Variants in DOCK8 observed in about 807,000 individuals in gnomAD.
The protein encoded by DOCK8 is dedicator of cytokinesis 8, also known as dedicator of cytokinesis protein 8.
A neutral mutation model predicts 245.6 loss-of-function variants in DOCK8; 141 were observed. The observed-to-expected ratio is 0.57, with a 90% CI of 0.50 to 0.66. The LOEUF (loss-of-function observed/expected upper bound fraction) is 0.66. DOCK8 is among the 30% of genes least tolerant of loss of function. The pLI, the probability that DOCK8 is intolerant of heterozygous loss-of-function variation, is 0.00. For synonymous variants in DOCK8, 1,168 were observed against 970.2 expected, an observed-to-expected ratio of 1.20 and a Z score of -3.79; for missense variants, 2,965 against 2,603.4, an observed-to-expected ratio of 1.14 and a Z score of -3.02.
intron 5 of DOCK8, among the ~76,000 whole-genome samples, chr9:308,954 G>GC: frequency 6.6e-6 from 1 of 152,322 alleles, no homozygotes; most frequent in African/African-American, 2.4e-5. Context: ...ACCGCACCTG[G>GC]CCAGGTTCTT....
intron 1 of DOCK8, among the ~76,000 whole-genome samples, chr9:253,034 A>C (rs375550412): frequency 1.1e-4 from 16 of 152,234 alleles, no homozygotes; most frequent in Admixed American, 5.9e-4. Flanking sequence ...TTGAACACCT[A>C]ATTTTATTAA....
upstream of DOCK8, chr9:214,838 G>T: frequency 6.2e-7 from 1 of 1,600,726 alleles, no homozygotes; most frequent in Non-Finnish European, 8.5e-7. Context: ...TTAGAAGGTG[G>T]AAATGCGGAA....
intron 2 of DOCK8, among the ~76,000 whole-genome samples, chr9:273,328 C>T (rs1284174687): frequency 1.3e-5 from 2 of 151,960 alleles, no homozygotes; most frequent in Admixed American, 6.6e-5. Flanking sequence ...AAAGGCATGT[C>T]AAGTGCATAT....
intron 2 of DOCK8, among the ~76,000 whole-genome samples, chr9:285,757 A>G (rs1488928720): frequency 1.3e-5 from 2 of 152,194 alleles, no homozygotes; most frequent in East Asian, 3.8e-4. Context: ...GTAAAATTGA[A>G]GAGCAAAGAA....
intron 4 of DOCK8, among the ~76,000 whole-genome samples, chr9:301,440 C>G (rs1586641357): frequency 6.6e-6 from 1 of 152,312 alleles, no homozygotes; most frequent in East Asian, 1.9e-4. Context: ...TGGAACAAAA[C>G]AAGGATGCCT....
intron 2 of DOCK8, among the ~76,000 whole-genome samples, chr9:275,788 C>T (rs950002579): frequency 1.3e-5 from 2 of 152,094 alleles, no homozygotes; most frequent in Admixed American, 6.6e-5. Flanking sequence ...AGGGTTTCAC[C>T]ATGTTGGCCA....
At chr9:408,884 A>ACG (rs1370095431) in intron 28 of DOCK8, among the ~76,000 whole-genome samples, 2 of 105,340 alleles carry the variant, frequency 1.9e-5, no homozygotes, top group Non-Finnish European at 3.8e-5. Context: ...ACACACACAC[A>ACG]CACGCACACA....
intron 2 of DOCK8, among the ~76,000 whole-genome samples, chr9:278,180 A>C (rs775683520): frequency 1.3e-5 from 2 of 152,256 alleles, no homozygotes; most frequent in African/African-American, 2.4e-5. Context: ...ATTGTTCAGC[A>C]GAGGAATCAA....
At chr9:454,653 A>G (rs1012707979) in intron 46 of DOCK8, 1 of 152,242 alleles carries the variant, frequency 6.6e-6, no homozygotes, top group Non-Finnish European at 1.5e-5. Context: ...TCAGTAAATG[A>G]GGCTCTGAAT....
chr9:282,822 T>C (rs1359389972), intron 2 of DOCK8, among the ~76,000 whole-genome samples: 1 of 152,246 alleles, frequency 6.6e-6, no homozygotes, highest in East Asian at 1.9e-4. Context: ...TCACTAGTTT[T>C]ACGGCTCATG....
intron 19 of DOCK8, 66 bp from the exon 20 acceptor site, chr9:376,905 ATTGTGT>A: frequency 7.4e-7 from 1 of 1,345,242 alleles, no homozygotes; most frequent in Non-Finnish European, 1.0e-6. Context: ...GAGCTATTCG[ATTGTGT>A]TTGTGAATCC....
At chr9:457,157 T>G (rs2057666346) in intron 46 of DOCK8, 1 of 152,080 alleles carries the variant, frequency 6.6e-6, no homozygotes, top group African/African-American at 2.4e-5. Flanking sequence ...CAAGGCCATA[T>G]GCCTGGCTTA....
At position 426,991 on chromosome 9, in the gene DOCK8, A is replaced by G. The variant is rs2056528199; in HGVS notation, c.4338+10A>G. On this transcript the variant is annotated intron_variant, in intron 34 of 47. Coordinates refer to ENST00000432829, the MANE Select transcript of DOCK8 (RefSeq NM_203447.4). Reference sequence around the variant, plus strand: ...GGAAAACATTATCCAGGTGAGGAAAACAAACACCCAATCTGATTTGTTGGC... The same window carrying G: ...GGAAAACATTATCCAGGTGAGGAAAGCAAACACCCAATCTGATTTGTTGGC... 6.2e-7 allele frequency: 1 copy of G among 1,608,964 alleles called. No individual in the cohort carries two copies. The highest frequency in any genetic ancestry group is 8.5e-7 in the Non-Finnish European group (1 of 1,175,704).
upstream of DOCK8, chr9:214,657 G>A (rs369454345): frequency 3.1e-6 from 5 of 1,606,348 alleles, no homozygotes; most frequent in African/African-American, 6.7e-5. Context: ...CGCTCCCTTC[G>A]GCCGGAGGTC....
chr9:294,695 T>C (rs1471027453), intron 4 of DOCK8, among the ~76,000 whole-genome samples: 1 of 152,250 alleles, frequency 6.6e-6, no homozygotes, highest in Admixed American at 6.5e-5. Context: ...AGCAGTTTTA[T>C]TTGTAATTGC....
At chr9:319,973 C>G (rs539060598) in intron 7 of DOCK8, among the ~76,000 whole-genome samples, 27 of 152,330 alleles carry the variant, frequency 1.8e-4, no homozygotes, top group African/African-American at 6.5e-4. Context: ...GGAGGACCTT[C>G]CATAACAATC....
chr9:352,286 C>A (rs2052207752), intron 14 of DOCK8, among the ~76,000 whole-genome samples: 1 of 152,132 alleles, frequency 6.6e-6, no homozygotes, highest in Admixed American at 6.5e-5. Flanking sequence ...ATTATTATTA[C>A]TATTAAGCAT....
At chr9:382,769 C>G in intron 22 of DOCK8, 84 bp downstream of exon 22, 2 of 1,525,240 alleles carry the variant, frequency 1.3e-6, no homozygotes, top group African/African-American at 1.4e-5. Flanking sequence ...CAGAAGCAAC[C>G]ACTACTGCTG....
At chr9:254,828 T>C (rs1587670196) in intron 1 of DOCK8, among the ~76,000 whole-genome samples, 1 of 152,344 alleles carries the variant, frequency 6.6e-6, no homozygotes, top group Non-Finnish European at 1.5e-5. Flanking sequence ...GTTGCTTGTC[T>C]CAGAGTGTCC....
Sources: gnomAD v4.1 joint callset for allele counts (sites outside exome capture counted in the v4.1 genomes callset) on GRCh38, gnomAD v4.1.1 for gene constraint, MANE v1.5 for transcripts, NCBI Gene and HGNC (gene_info 2026-07-23, HGNC 2026-07-21) for gene names.